Variants in ATR observed in about 807,000 individuals in gnomAD.
The protein encoded by ATR is serine/threonine-protein kinase ATR.
In ATR, 142 loss-of-function variants were observed where a neutral mutation model predicts 305.3. The ratio of observed to expected loss-of-function variants is 0.47; its 90% CI spans 0.41 to 0.53. The LOEUF (loss-of-function observed/expected upper bound fraction) is 0.53. Among genes scored for constraint, ATR ranks in the 20% least tolerant of loss-of-function variants. The pLI is 0.00. For missense variants in ATR, 2,135 were observed against 3,133.1 expected (o/e 0.68, Z 7.60); for synonymous variants, 1,050 against 1,068.1 (o/e 0.98, Z 0.33).
intron 1 of ATR, among the ~76,000 whole-genome samples, chr3:142,575,487 G>A (rs1030510128): frequency 3.6e-5 from 5 of 139,482 alleles, no homozygotes; most frequent in African/African-American, 8.2e-5. Flanking sequence ...AAAAAAAAAA[G>A]CAGGCTCATT....
At chr3:142,512,561 A>C (rs977627948) in intron 26 of ATR, 91 bp from the exon 27 acceptor site, 1 of 1,153,532 alleles carries the variant, frequency 8.7e-7, no homozygotes, top group Non-Finnish European at 1.2e-6. Context: ...TAAGGCAAAA[A>C]TTTTCAAAAG....
intron 36 of ATR, among the ~76,000 whole-genome samples, chr3:142,479,751 C>T (rs1315148600): frequency 1.3e-5 from 2 of 152,216 alleles, no homozygotes; most frequent in Non-Finnish European, 2.9e-5. Context: ...GGTCTTTTCA[C>T]ATAGTCCCAT....
intron 27 of ATR, among the ~76,000 whole-genome samples, chr3:142,510,958 A>G (rs942025052): frequency 1.3e-5 from 2 of 152,230 alleles, no homozygotes; most frequent in African/African-American, 4.8e-5. Context: ...ATCACAGGAA[A>G]AAAACAGTGC....
chr3:142,509,361 A>G (rs1329333119), intron 27 of ATR, among the ~76,000 whole-genome samples: 1 of 151,756 alleles, frequency 6.6e-6, no homozygotes, highest in Non-Finnish European at 1.5e-5. Flanking sequence ...ATGAAGTCTC[A>G]TTATGTTGCA....
intron 1 of ATR, among the ~76,000 whole-genome samples, chr3:142,576,988 C>T (rs1191117153): frequency 6.6e-6 from 1 of 152,132 alleles, no homozygotes; most frequent in Non-Finnish European, 1.5e-5. Flanking sequence ...AATCTGAAAC[C>T]TAGCTCTGTT....
Position 142,522,793 on chromosome 3 carries a change from T to C in ATR, c.4201A>G (p.Thr1401Ala), listed in dbSNP as rs2108395925. 6.2e-7 allele frequency: 1 copy of C among 1,613,950 alleles called. No homozygotes were observed. Among genetic ancestry groups the C allele is most frequent in the Non-Finnish European group, 8.5e-7 (1 of 1,179,930 alleles). ...SFAYGLLMEL[T>A]RAYLAYADNS... ...TCAGCATACGCAAGGTAAGCTCTTGTTAGCTCCATCAATAATCCATAGGCA... is the reference window on the plus strand; with the variant it reads ...TCAGCATACGCAAGGTAAGCTCTTGCTAGCTCCATCAATAATCCATAGGCA... The change falls in exon 23 of 47, where the codon ACA becomes GCA. Residue 1401 changes from threonine (T) to alanine (A), a missense_variant. Transcript: ENST00000350721.
At chr3:142,549,878 T>C (rs1193727576) in intron 14 of ATR, among the ~76,000 whole-genome samples, 1 of 152,234 alleles carries the variant, frequency 6.6e-6, no homozygotes, top group Non-Finnish European at 1.5e-5. Flanking sequence ...ATGATCATAT[T>C]AGACTTTGAA....
intron 35 of ATR, among the ~76,000 whole-genome samples, chr3:142,490,817 CT>C (rs1402468854): frequency 6.6e-6 from 1 of 152,100 alleles, no homozygotes; most frequent in East Asian, 1.9e-4. Context: ...ATCAGGCAAT[CT>C]TGTTTAATTC....
chr3:142,519,618 T>C (rs1422404098), intron 24 of ATR, 51 bp downstream of exon 24: 1 of 1,488,606 alleles, frequency 6.7e-7, no homozygotes, highest in Non-Finnish European at 9.3e-7. Context: ...CGCATTATTT[T>C]TATATAATTA....
chr3:142,516,910 T>C (rs1472788774), intron 24 of ATR, among the ~76,000 whole-genome samples: 3 of 151,358 alleles, frequency 2.0e-5, no homozygotes, highest in Non-Finnish European at 2.9e-5. Context: ...TTGAATGGCA[T>C]GGGTTTCTTT....
intron 40 of ATR, chr3:142,465,582 G>C (rs556992235): frequency 6.1e-6 from 1 of 162,834 alleles, no homozygotes; most frequent in Non-Finnish European, 1.3e-5. Context: ...ATCTTTCTGC[G>C]GAGCCTGAGA....
chr3:142,471,056 T>C (rs1033101656), intron 36 of ATR, among the ~76,000 whole-genome samples: 3 of 152,170 alleles, frequency 2.0e-5, no homozygotes, highest in African/African-American at 7.2e-5. Flanking sequence ...CAGAACTTTT[T>C]TCATCTTCCC....
intron 16 of ATR, among the ~76,000 whole-genome samples, 198 bp downstream of exon 16, chr3:142,547,527 C>T (rs1042475923): frequency 2.0e-5 from 3 of 152,038 alleles, no homozygotes; most frequent in South Asian, 2.1e-4. Flanking sequence ...AGAAAATAAA[C>T]GTGATCTCGT....
At chr3:142,456,408 A>G (rs749987662) in intron 45 of ATR, among the ~76,000 whole-genome samples, 2 of 152,078 alleles carry the variant, frequency 1.3e-5, no homozygotes, top group Non-Finnish European at 2.9e-5. Context: ...TCTCTACTAA[A>G]AATGCAAGAA....
At chr3:142,575,365 A>T (rs977647535) in intron 1 of ATR, among the ~76,000 whole-genome samples, 3 of 151,832 alleles carry the variant, frequency 2.0e-5, no homozygotes, top group Admixed American at 6.6e-5. Context: ...CTGTAGTCCC[A>T]GCTACAGGAA....
chr3:142,561,703 A>T (rs1214517464), intron 4 of ATR, among the ~76,000 whole-genome samples: 1 of 152,170 alleles, frequency 6.6e-6, no homozygotes, highest in Non-Finnish European at 1.5e-5. Flanking sequence ...AAAATTCTGT[A>T]AGGGAATTAC....
chr3:142,574,297 T>C (rs1233108649), intron 1 of ATR, among the ~76,000 whole-genome samples: 2 of 151,362 alleles, frequency 1.3e-5, no homozygotes. Context: ...AAACCCCGTC[T>C]ACAAAAATAC....
In ATR at chr3:142,550,199, A is replaced by G. The variant is rs1245595842; in HGVS notation, c.2909T>C (p.Met970Thr). 6.2e-7 allele frequency: 1 copy of G among 1,614,158 alleles called. No individual in the cohort carries two copies. The highest frequency in any genetic ancestry group is 2.2e-5 in the East Asian group (1 of 44,870). The change falls in exon 14 of 47, where the codon ATG becomes ACG. Residue 970 changes from methionine (M) to threonine (T), a missense_variant. Physicochemically the swap from Met to Thr is moderately conservative, Grantham distance 81. Coordinates refer to ENST00000350721, the MANE Select transcript of ATR (RefSeq NM_001184.4). ...RKQDVAHQRE[M>T]ALNTLSEIAN... ...AATTTCAGACAACGTATTTAAAGCC[A>G]TTTCTCTCTGGTGAGCCACATCTTG...
At chr3:142,491,277 C>A (rs781772453) in intron 35 of ATR, among the ~76,000 whole-genome samples, 1 of 152,122 alleles carries the variant, frequency 6.6e-6, no homozygotes, top group South Asian at 2.1e-4. Context: ...CAGTAGTCAG[C>A]CTCTATTCTT....
Sources: gnomAD v4.1 joint callset for allele counts (sites outside exome capture counted in the v4.1 genomes callset) on GRCh38, gnomAD v4.1.1 for gene constraint, MANE v1.5 for transcripts, NCBI Gene and HGNC (gene_info 2026-07-23, HGNC 2026-07-21) for gene names.